Variants in CIITA observed in about 807,000 individuals in gnomAD.
The protein encoded by CIITA is MHC class II transactivator.
A neutral mutation model predicts 115.1 loss-of-function variants in CIITA; 72 were observed. The ratio of observed to expected loss-of-function variants is 0.63; its 90% CI spans 0.52 to 0.76. The LOEUF (loss-of-function observed/expected upper bound fraction) is 0.76, where lower values mean the gene tolerates loss of function less well. Ranked by LOEUF, CIITA falls within the 30% of genes least tolerant of loss-of-function variation. The pLI is 0.00. For synonymous variants in CIITA, 763 were observed against 635.6 expected (o/e 1.20, Z -3.02); for missense variants, 1,617 against 1,463.8 (o/e 1.10, Z -1.71).
intron 3 of CIITA, 107 bp from the exon 4 acceptor site, chr16:10,898,563 G>T: frequency 1.4e-6 from 1 of 730,564 alleles, no homozygotes; most frequent in Non-Finnish European, 2.3e-6. Context: ...CATTTCTTGA[G>T]TCCCCACTGT....
In CIITA at chr16:10,933,552, G is replaced by A. The variant is rs1048028873; in HGVS notation, c.*9697G>A. The A allele has an allele frequency of 6.6e-6, 1 of 152,348 alleles. No individual in the cohort carries two copies. The highest frequency in any genetic ancestry group is 1.9e-4 in the East Asian group (1 of 5,208). 9.4% of individuals were successfully genotyped at this position (152,348 alleles called of 1,614,324 possible). On this transcript the variant is annotated 3_prime_UTR_variant, in exon 20 of 20. Transcript: ENST00000324288. Reference sequence around the variant, plus strand: ...TGGGCCAGTTTCCTCATCTGGAAAAGGGGACAGTGCCCACCACATTGGGCT... The same window carrying A: ...TGGGCCAGTTTCCTCATCTGGAAAAAGGGACAGTGCCCACCACATTGGGCT...
intron 3 of CIITA, 34 bp downstream of exon 3, chr16:10,895,798 C>A: frequency 6.2e-7 from 1 of 1,602,092 alleles, no homozygotes; most frequent in South Asian, 1.1e-5. Flanking sequence ...AAAGGACAAT[C>A]AAGGGCAAGA....
At chr16:10,885,625 T>C (rs2036868953) in intron 1 of CIITA, among the ~76,000 whole-genome samples, 1 of 152,142 alleles carries the variant, frequency 6.6e-6, no homozygotes, top group Non-Finnish European at 1.5e-5. Context: ...GTGAGGGGCT[T>C]CTTCCTCTAC....
At chr16:10,877,793 T>C (rs932649304) in intron 1 of CIITA, among the ~76,000 whole-genome samples, 3 of 152,064 alleles carry the variant, frequency 2.0e-5, no homozygotes, top group Non-Finnish European at 4.4e-5. Flanking sequence ...GAAACCAAAA[T>C]TGGAGTCAGC....
At chr16:10,883,695 G>A (rs1431344058) in intron 1 of CIITA, among the ~76,000 whole-genome samples, 1 of 152,150 alleles carries the variant, frequency 6.6e-6, no homozygotes, top group Non-Finnish European at 1.5e-5. Context: ...AGATTGTCTG[G>A]GAAGCCAAGT....
chr16:10,866,380 C>T (rs775894524), intron 1 of CIITA: 2 of 567,276 alleles, frequency 3.5e-6, no homozygotes, highest in South Asian at 1.4e-5. Context: ...GGACAACCTG[C>T]TGAAGGAGGA....
downstream of CIITA, chr16:10,940,023 C>T (rs2041080012): frequency 6.6e-6 from 1 of 152,274 alleles, no homozygotes; most frequent in East Asian, 1.9e-4. This position sits in a 1 kb window ranked among gnomAD's most constrained non-coding sequence, Gnocchi z 4.2. Flanking sequence ...CACACTCCCC[C>T]TGGCACTTGG....
intron 15 of CIITA, 122 bp from the exon 16 acceptor site, chr16:10,918,318 C>A (rs957381090): frequency 2.4e-5 from 22 of 904,106 alleles, no homozygotes; most frequent in Non-Finnish European, 3.7e-5. Flanking sequence ...TCCTATTTAC[C>A]GAGAGGTAGC....
rs186037612 is a variant in CIITA, at chr16:10,908,560, A to C, written c.2657+411A>C. 55 of 412,304 alleles carry C rather than the reference A, an allele frequency of 1.3e-4. No homozygotes were observed. The Admixed American group carries it at 1.9e-3, about 15-fold the overall frequency. The allele number at this position is 412,304 out of a possible 1,614,324, so 25.5% of individuals were successfully genotyped here. A position where few individuals can be genotyped will look rare whatever the true frequency, so the allele number is the denominator to read the frequency against. ...CTTCCACTCCATTTTGTATTCAGCA[A>C]CCAGACCAATCTTCTCAGAACTTGA... On this transcript the variant is annotated intron_variant, in intron 11 of 19. Coordinates refer to ENST00000324288, the MANE Select transcript of CIITA (RefSeq NM_000246.4).
In CIITA at chr16:10,895,392, G is replaced by C; in HGVS notation, c.163G>C (p.Asp55His). 6.2e-7 allele frequency: 1 copy of C among 1,614,028 alleles called. No homozygotes were observed. The highest frequency in any genetic ancestry group is 8.5e-7 in the Non-Finnish European group (1 of 1,180,030). ...CCTCTACCACTTCTATGACCAGATG[G>C]ACCTGGCTGGAGAAGAAGAGATTGA... Reference protein sequence around the residue: ...LCLYHFYDQMDLAGEEEIELY... With the variant: ...LCLYHFYDQMHLAGEEEIELY... The change falls in exon 2 of 20, where the codon GAC (aspartate) becomes CAC (histidine). Residue 55 changes from aspartate (D) to histidine (H), a missense_variant. By Grantham distance (81) the Asp-to-His change is moderately conservative (BLOSUM62 -1). Transcript: ENST00000324288.
chr16:10,919,342 G>T lies in CIITA; in HGVS notation c.3149+816G>T, dbSNP rs545138904. On this transcript the variant is annotated intron_variant, in intron 16 of 19. Transcript: ENST00000324288. ...GCTCCGAGTAGCTGGGATTATAGGC[G>T]CCCACCACCACGTCCAGCTAGTTTT... 4.6e-5 allele frequency among the ~76,000 whole-genome samples: 7 copies of T among 151,844 alleles called. No homozygotes were observed. The South Asian group carries it at 8.3e-4, about 18-fold the overall frequency.
downstream of CIITA, chr16:10,938,234 G>C (rs1297138624): frequency 6.6e-6 from 1 of 152,148 alleles, no homozygotes. The surrounding 1 kb of genome is among the most constrained non-coding windows in gnomAD (Gnocchi z 4.9). Flanking sequence ...AGGTTAAGCA[G>C]CATGCCCAAG....
intron 1 of CIITA, among the ~76,000 whole-genome samples, chr16:10,880,682 C>A (rs1164619041): frequency 3.9e-5 from 6 of 152,140 alleles, no homozygotes; most frequent in Non-Finnish European, 5.9e-5. Context: ...AAGACCCAGC[C>A]TCAGATACCT....
chr16:10,895,869 A>G, intron 3 of CIITA, 105 bp downstream of exon 3: 1 of 1,104,992 alleles, frequency 9.0e-7, no homozygotes, highest in Non-Finnish European at 1.4e-6. Context: ...GTCCCCTCCC[A>G]CAGAAATCAT....
intron 5 of CIITA, among the ~76,000 whole-genome samples, chr16:10,900,464 G>C (rs2038606924): frequency 6.6e-6 from 1 of 152,052 alleles, no homozygotes; most frequent in African/African-American, 2.4e-5. Flanking sequence ...TTTCGGCCAG[G>C]CGTGGTGGCT....
chr16:10,922,659 T>C (rs1030938402), intron 18 of CIITA, among the ~76,000 whole-genome samples, 169 bp downstream of exon 18: 2 of 152,202 alleles, frequency 1.3e-5, no homozygotes, highest in Non-Finnish European at 2.9e-5. Context: ...GTGGGGACAG[T>C]AATAATATCC....
intron 1 of CIITA, among the ~76,000 whole-genome samples, chr16:10,872,143 G>A (rs933255464): frequency 6.6e-6 from 1 of 151,654 alleles, no homozygotes; most frequent in African/African-American, 2.4e-5. Context: ...GGGTGGGGGG[G>A]ACACAGTCTT....
At chr16:10,915,238 C>A (rs1448115920) in intron 13 of CIITA, among the ~76,000 whole-genome samples, 1 of 151,892 alleles carries the variant, frequency 6.6e-6, no homozygotes, top group African/African-American at 2.4e-5. Flanking sequence ...TTTGTAGAGA[C>A]TGAGTCTCAC....
At position 10,907,406 on chromosome 16, in the gene CIITA, G is replaced by T; in HGVS notation, c.1914G>T (p.Thr638=). ...GEDAKLPSTL[T]GLYVGLLGRA... ...ACGCCAAGCTGCCCTCCACGCTCAC[G>T]GGACTCTATGTCGGCCTGCTGGGCC... is the stretch of plus-strand genomic sequence containing the variant. Residue 638 remains threonine (T), a synonymous_variant, in exon 11 of 20, where the codon ACG becomes ACT. Coordinates refer to ENST00000324288, the MANE Select transcript of CIITA (RefSeq NM_000246.4). The surrounding 1 kb of genome is among the most constrained non-coding windows in gnomAD (Gnocchi z 5.0). The T allele has an allele frequency of 6.2e-7, 1 of 1,613,128 alleles. No individual in the cohort carries two copies.
Sources: gnomAD v4.1 joint callset for allele counts (sites outside exome capture counted in the v4.1 genomes callset) on GRCh38, gnomAD v4.1.1 for gene constraint, Gnocchi (gnomAD v3.1) non-coding constraint, MANE v1.5 for transcripts, NCBI Gene and HGNC (gene_info 2026-07-23, HGNC 2026-07-21) for gene names.